Variants in UBE2D3 observed in about 807,000 individuals in gnomAD.
The protein encoded by UBE2D3 is ubiquitin conjugating enzyme E2 D3.
In UBE2D3, 2 loss-of-function variants were observed where a neutral mutation model predicts 22.8. The ratio of observed to expected loss-of-function variants is 0.09; its 90% CI spans 0.04 to 0.28. The LOEUF (loss-of-function observed/expected upper bound fraction) is 0.28. UBE2D3 is among the 10% of genes least tolerant of loss of function. The pLI, the probability that UBE2D3 is intolerant of heterozygous loss-of-function variation, is 1.00. For missense variants in UBE2D3, 27 were observed against 182.5 expected (o/e 0.15, Z 4.91); for synonymous variants, 56 against 60.4 (o/e 0.93, Z 0.34).
At chr4:102,803,929 C>A (rs1726602271) in intron 4 of UBE2D3, among the ~76,000 whole-genome samples, 1 of 152,110 alleles carries the variant, frequency 6.6e-6, no homozygotes. Context: ...CCACCACACC[C>A]AGCTAATTTT....
intron 1 of UBE2D3, among the ~76,000 whole-genome samples, chr4:102,845,243 G>T (rs114435227): frequency 6.6e-5 from 10 of 152,068 alleles, no homozygotes; most frequent in Non-Finnish European, 1.0e-4. Context: ...ACAAAACAAA[G>T]AATTTTGGAT....
intron 1 of UBE2D3, among the ~76,000 whole-genome samples, chr4:102,842,831 C>T (rs1488578368): frequency 6.7e-6 from 1 of 149,354 alleles, no homozygotes; most frequent in Non-Finnish European, 1.5e-5. Flanking sequence ...CAGTTTTGGC[C>T]AGGCGTGGTG....
intron 1 of UBE2D3, 181 bp downstream of exon 1, chr4:102,827,246 C>T (rs969108870): frequency 4.1e-6 from 4 of 969,408 alleles, no homozygotes; most frequent in Non-Finnish European, 4.9e-6. Flanking sequence ...CGCGAGGACG[C>T]GCCCATTCCC....
At chr4:102,855,748 C>G (rs1056320593) in intron 1 of UBE2D3, among the ~76,000 whole-genome samples, 1 of 152,164 alleles carries the variant, frequency 6.6e-6, no homozygotes, top group Non-Finnish European at 1.5e-5. Flanking sequence ...TACTGAACAC[C>G]TACCAAGTGT....
chr4:102,837,151 T>C (rs1008768330), intron 1 of UBE2D3: 1 of 152,240 alleles, frequency 6.6e-6, no homozygotes, highest in Non-Finnish European at 1.5e-5. Flanking sequence ...TCATATTGAC[T>C]AGTCCCTAAG....
At chr4:102,868,704 AAG>A in intron 1 of UBE2D3, 1 of 1,613,968 alleles carries the variant, frequency 6.2e-7, no homozygotes, top group Non-Finnish European at 8.5e-7. Context: ...TAGAGACAGC[AAG>A]AGACTCACTT....
At chr4:102,819,583 C>A (rs978356858) in intron 2 of UBE2D3, 18 of 985,206 alleles carry the variant, frequency 1.8e-5, no homozygotes, top group Non-Finnish European at 2.2e-5. Flanking sequence ...CCTATTAAAG[C>A]GTAACGCCAT....
At chr4:102,866,907 G>C (rs1421817387) in intron 1 of UBE2D3, among the ~76,000 whole-genome samples, 3 of 152,182 alleles carry the variant, frequency 2.0e-5, no homozygotes, top group South Asian at 2.1e-4. Flanking sequence ...AGAGATTAAA[G>C]ATAACAGTTA....
intron 2 of UBE2D3, chr4:102,825,785 G>A (rs918085708): frequency 2.2e-6 from 1 of 460,910 alleles, no homozygotes; most frequent in Admixed American, 2.4e-5. Flanking sequence ...AAAAGGAAAA[G>A]GGAGCTTCCA....
intron 1 of UBE2D3, among the ~76,000 whole-genome samples, chr4:102,838,430 G>T (rs1731545441): frequency 1.3e-5 from 2 of 152,148 alleles, no homozygotes; most frequent in Admixed American, 1.3e-4. Flanking sequence ...CCACAGATCA[G>T]ATCTCTGCCT....
intron 4 of UBE2D3, 140 bp downstream of exon 4, chr4:102,809,532 T>C (rs1199148398): frequency 1.1e-6 from 1 of 899,284 alleles, no homozygotes; most frequent in African/African-American, 1.7e-5. Context: ...GTTTTTTCTT[T>C]CAAATGCAGT....
intron 7 of UBE2D3, chr4:102,798,824 C>A: frequency 2.0e-6 from 2 of 1,025,532 alleles, no homozygotes; most frequent in South Asian, 1.5e-5. Context: ...AGAAGACTGC[C>A]ATATTTGTTA....
At chr4:102,845,193 G>T (rs556515976) in intron 1 of UBE2D3, among the ~76,000 whole-genome samples, 116 of 152,184 alleles carry the variant, frequency 7.6e-4, no homozygotes, top group Non-Finnish European at 1.4e-3. Context: ...TCCAGCCTGG[G>T]TGACAACAGA....
intron 2 of UBE2D3, among the ~76,000 whole-genome samples, chr4:102,815,694 T>TC (rs1287988722): frequency 6.6e-6 from 1 of 152,218 alleles, no homozygotes; most frequent in Non-Finnish European, 1.5e-5. Flanking sequence ...TTCAGGTTCT[T>TC]GTTACTCTCC....
intron 1 of UBE2D3, among the ~76,000 whole-genome samples, chr4:102,861,195 TGGA>T (rs1207374299): frequency 6.6e-6 from 1 of 151,944 alleles, no homozygotes; most frequent in East Asian, 1.9e-4. Flanking sequence ...TCTGCTGCCT[TGGA>T]GGAGAAGGAT....
intron 2 of UBE2D3, chr4:102,811,804 C>T: frequency 2.3e-6 from 1 of 441,062 alleles, no homozygotes; most frequent in Non-Finnish European, 4.5e-6. Context: ...ACAGCTTGAG[C>T]GCAGGAGTTC....
chr4:102,826,248 T>C (rs1180603422), intron 2 of UBE2D3, among the ~76,000 whole-genome samples: 1 of 151,922 alleles, frequency 6.6e-6, no homozygotes, highest in Non-Finnish European at 1.5e-5. Context: ...CACCCCTAAT[T>C]TGCACCGATT....
chr4:102,833,798 C>T (rs922249722), intron 1 of UBE2D3, among the ~76,000 whole-genome samples: 5 of 152,142 alleles, frequency 3.3e-5, no homozygotes, highest in Non-Finnish European at 7.4e-5. Context: ...AGTAGTTGTG[C>T]CTGCAGATCA....
intron 1 of UBE2D3, among the ~76,000 whole-genome samples, chr4:102,840,375 A>G (rs1731682668): frequency 6.6e-6 from 1 of 152,252 alleles, no homozygotes; most frequent in Non-Finnish European, 1.5e-5. Context: ...CACAATGAAT[A>G]CTATTGGCCA....
Sources: gnomAD v4.1 joint callset for allele counts (sites outside exome capture counted in the v4.1 genomes callset) on GRCh38, gnomAD v4.1.1 for gene constraint, MANE v1.5 for transcripts, NCBI Gene and HGNC (gene_info 2026-07-23, HGNC 2026-07-21) for gene names.